SCG5: variants seen among roughly 807,000 people sequenced by gnomAD.
The protein encoded by SCG5 is secretogranin V.
A neutral mutation model predicts 25.7 loss-of-function variants in SCG5; 18 were observed. That is an observed-to-expected ratio of 0.70 (90% CI 0.48 to 1.04). SCG5 has a LOEUF of 1.04. Ranked by LOEUF, SCG5 falls within the 50% of genes least tolerant of loss-of-function variation. SCG5 has a pLI of 0.00. For synonymous variants in SCG5, 101 were observed against 91.7 expected, an observed-to-expected ratio of 1.10 and a Z score of -0.58; for missense variants, 206 against 259.8, an observed-to-expected ratio of 0.79 and a Z score of 1.42.
At chr15:32,688,715 T>C (rs1451935749) in intron 4 of SCG5, among the ~76,000 whole-genome samples, 3 of 152,098 alleles carry the variant, frequency 2.0e-5, no homozygotes, top group Non-Finnish European at 2.9e-5. Flanking sequence ...TCCCAGCACT[T>C]TGGGAGGCCG....
chr15:32,677,293 C>T (rs560727714), intron 2 of SCG5, among the ~76,000 whole-genome samples: 1 of 152,160 alleles, frequency 6.6e-6, no homozygotes, highest in Non-Finnish European at 1.5e-5. Flanking sequence ...GAGGAATCAG[C>T]AGAGGTAAGA....
Position 32,696,560 on chromosome 15 carries a change from C to G in SCG5, c.590C>G (p.Ala197Gly). 1 of 1,613,160 alleles carries G rather than the reference C, an allele frequency of 6.2e-7. No homozygotes were observed. The highest frequency in any genetic ancestry group is 8.5e-7 in the Non-Finnish European group (1 of 1,179,546). The change falls in exon 6 of 6, where the codon GCA becomes GGA. Residue 197 changes from alanine to glycine, a missense_variant. By Grantham distance (60) the Ala-to-Gly change is moderately conservative. Transcript: ENST00000300175. ...LQGQRLDNVVAKKSVPHFSDE... is the reference protein window; with the variant it reads ...LQGQRLDNVVGKKSVPHFSDE... ...GGACAGAGACTGGATAATGTTGTTG[C>G]AAAGAAGTCTGTCCCCCATTTTTCA...
chr15:32,655,358 T>A (rs1255462907), intron 2 of SCG5, among the ~76,000 whole-genome samples: 2 of 151,930 alleles, frequency 1.3e-5, no homozygotes, highest in Non-Finnish European at 2.9e-5. Context: ...CCATATATGA[T>A]CCTAAGCAAA....
intron 2 of SCG5, among the ~76,000 whole-genome samples, chr15:32,677,215 T>C (rs1324640951): frequency 6.6e-6 from 1 of 152,130 alleles, no homozygotes; most frequent in Non-Finnish European, 1.5e-5. Context: ...TACAAAGCAA[T>C]GAAATATAAT....
At chr15:32,678,084 AG>A (rs1163001181) in intron 2 of SCG5, among the ~76,000 whole-genome samples, 1 of 152,248 alleles carries the variant, frequency 6.6e-6, no homozygotes, top group Non-Finnish European at 1.5e-5. Context: ...TGGATTAAAG[AG>A]TTAACTTACA....
chr15:32,684,743 T>C (rs773746293), intron 4 of SCG5, 74 bp downstream of exon 4: 56 of 896,656 alleles, frequency 6.2e-5, no homozygotes, highest in Admixed American at 2.3e-4. Flanking sequence ...GGATGAGCAA[T>C]ATGGGCAGAA....
intron 1 of SCG5, 88 bp downstream of exon 1, chr15:32,641,866 C>T (rs1280465707): frequency 6.6e-6 from 1 of 152,288 alleles, no homozygotes; most frequent in Non-Finnish European, 1.5e-5. Flanking sequence ...CTGCTAAAAT[C>T]CTTGAGGTGG....
chr15:32,668,484 G>A (rs77052520), intron 2 of SCG5, among the ~76,000 whole-genome samples: 14 of 152,306 alleles, frequency 9.2e-5, no homozygotes, highest in South Asian at 4.1e-4. Flanking sequence ...TTCCCAAGCC[G>A]TGTACCCAAA....
At chr15:32,665,996 C>T (rs1595801901) in intron 2 of SCG5, 2 of 152,244 alleles carry the variant, frequency 1.3e-5, no homozygotes, top group African/African-American at 4.8e-5. Flanking sequence ...TTAAGTTTTC[C>T]TTTTTCAAAA....
At chr15:32,646,686 A>G (rs1472686299) in intron 2 of SCG5, among the ~76,000 whole-genome samples, 2 of 152,236 alleles carry the variant, frequency 1.3e-5, no homozygotes, top group African/African-American at 2.4e-5. Context: ...ACTTGGGGCA[A>G]AAACAACAAA....
intron 4 of SCG5, 143 bp from the exon 5 acceptor site, chr15:32,691,566 CG>C: frequency 2.9e-6 from 2 of 694,948 alleles, no homozygotes; most frequent in East Asian, 5.5e-5. Context: ...CTTTCTGACA[CG>C]ACATTCCTTT....
intron 1 of SCG5, 55 bp from the exon 2 acceptor site, chr15:32,643,531 T>G: frequency 7.5e-7 from 1 of 1,337,028 alleles, no homozygotes; most frequent in Non-Finnish European, 1.1e-6. Context: ...TATAATTGTA[T>G]TATCACAATT....
At chr15:32,694,291 C>A (rs947320621) in intron 5 of SCG5, among the ~76,000 whole-genome samples, 9 of 152,298 alleles carry the variant, frequency 5.9e-5, no homozygotes, top group Middle Eastern at 3.4e-3. Flanking sequence ...CAGGACTTCT[C>A]CCATGAGAGA....
chr15:32,677,371 G>C (rs570358663), intron 2 of SCG5, among the ~76,000 whole-genome samples: 2 of 152,318 alleles, frequency 1.3e-5, no homozygotes, highest in South Asian at 2.1e-4. Flanking sequence ...TGTCACTTCA[G>C]AGAGAAAATA....
rs1428625914 is a variant in SCG5, at chr15:32,657,212, T to TATATATATATATATAG, written c.226+13394_226+13395insATATATATATATATAG. 1.3e-4 allele frequency among the ~76,000 whole-genome samples: 14 copies of TATATATATATATATAG among 106,860 alleles called. 2 individuals are homozygous for TATATATATATATATAG. Among genetic ancestry groups the TATATATATATATATAG allele is most frequent in the African/African-American group, 4.1e-4 (13 of 31,970 alleles). The allele number at this position is 106,860 out of a possible 152,430, so 70.1% of individuals were successfully genotyped here. A position where few individuals can be genotyped will look rare whatever the true frequency, so the allele number is the denominator to read the frequency against. On this transcript the variant is annotated intron_variant, in intron 2 of 5. Coordinates refer to ENST00000300175, the MANE Select transcript of SCG5 (RefSeq NM_001144757.3). Reference sequence around the variant, plus strand: ...TTTCATCCTCCTGTATATATATATATGTATGTATTTCCAGGTGTAAGTGGC... The same window carrying TATATATATATATATAG: ...TTTCATCCTCCTGTATATATATATATATATATATATATATAGGTATGTATTTCCAGGTGTAAGTGGC...
At chr15:32,647,124 C>T (rs2053955041) in intron 2 of SCG5, among the ~76,000 whole-genome samples, 1 of 152,090 alleles carries the variant, frequency 6.6e-6, no homozygotes, top group Non-Finnish European at 1.5e-5. Context: ...CTCCTATAAC[C>T]TTCTGTTTAG....
At chr15:32,672,199 C>G (rs768150634) in intron 2 of SCG5, among the ~76,000 whole-genome samples, 12 of 152,236 alleles carry the variant, frequency 7.9e-5, no homozygotes, top group Non-Finnish European at 1.8e-4. Flanking sequence ...GGGCCTGTGC[C>G]CGCTCCCTGC....
chr15:32,655,031 G>A (rs192204153), intron 2 of SCG5, among the ~76,000 whole-genome samples: 6 of 152,276 alleles, frequency 3.9e-5, no homozygotes, highest in East Asian at 3.9e-4. Flanking sequence ...GGAGATTGCC[G>A]GGCATGGTAG....
At chr15:32,691,914 C>T (rs772270769) in intron 5 of SCG5, 151 bp downstream of exon 5, 170 of 1,476,040 alleles carry the variant, frequency 1.2e-4, no homozygotes, top group Non-Finnish European at 1.5e-4. Flanking sequence ...AGGGCCACAC[C>T]CAGAAAGTCT....
Sources: gnomAD v4.1 joint callset for allele counts (sites outside exome capture counted in the v4.1 genomes callset) on GRCh38, gnomAD v4.1.1 for gene constraint, MANE v1.5 for transcripts, NCBI Gene and HGNC (gene_info 2026-07-23, HGNC 2026-07-21) for gene names.